EYS: variants seen among roughly 807,000 people sequenced by gnomAD.
EYS encodes the protein EGF-like photoreceptor maintenance factor, also known as protein eyes shut homolog.
A neutral mutation model predicts 282.1 loss-of-function variants in EYS; 250 were observed. The ratio of observed to expected loss-of-function variants is 0.89; its 90% confidence interval spans 0.80 to 0.98. The LOEUF is 0.98. Ranked by LOEUF, EYS falls within the 50% of genes least tolerant of loss-of-function variation. The pLI is 0.00. For synonymous variants in EYS, 1,355 were observed against 1,282.9 expected (o/e 1.06, Z -1.20); for missense variants, 4,016 against 3,709.0 (o/e 1.08, Z -2.15).
chr6:65,424,282 T>C (rs1322959918), intron 5 of EYS, among the ~76,000 whole-genome samples: 1 of 152,014 alleles, frequency 6.6e-6, no homozygotes, highest in African/African-American at 2.4e-5. Context: ...TTCTTTCTTT[T>C]CCTCATATAA....
intron 41 of EYS, among the ~76,000 whole-genome samples, chr6:63,734,398 C>T (rs1034267440): frequency 3.3e-5 from 5 of 152,134 alleles, no homozygotes; most frequent in Non-Finnish European, 5.9e-5. Context: ...CATTGGAAAG[C>T]TTTGAGCAGA....
chr6:65,511,217 A>G (rs1766856216), intron 2 of EYS, among the ~76,000 whole-genome samples: 1 of 152,168 alleles, frequency 6.6e-6, no homozygotes, highest in Non-Finnish European at 1.5e-5. Context: ...TGCTTTTCCC[A>G]CTAATGGTAT....
At chr6:64,866,889 A>T (rs1766441515) in intron 19 of EYS, among the ~76,000 whole-genome samples, 1 of 151,826 alleles carries the variant, frequency 6.6e-6, no homozygotes, top group Non-Finnish European at 1.5e-5. Context: ...TTTACAATAA[A>T]AAATGAAAAC....
At chr6:65,258,054 ACT>A (rs1399956603) in intron 12 of EYS, among the ~76,000 whole-genome samples, 1 of 152,068 alleles carries the variant, frequency 6.6e-6, no homozygotes, top group Non-Finnish European at 1.5e-5. Flanking sequence ...TACTCCCTTT[ACT>A]CTGTTGTGAC....
chr6:65,627,737 G>C (rs530288556), intron 2 of EYS, among the ~76,000 whole-genome samples: 1 of 152,198 alleles, frequency 6.6e-6, no homozygotes, highest in Non-Finnish European at 1.5e-5. Context: ...CCAGCCCACC[G>C]ATGCTGCGCT....
intron 19 of EYS, among the ~76,000 whole-genome samples, chr6:64,885,242 C>T (rs1767051552): frequency 6.6e-6 from 1 of 151,574 alleles, no homozygotes; most frequent in African/African-American, 2.4e-5. Context: ...TATATTAAAA[C>T]ATCTTAAATC....
chr6:65,546,132 C>A (rs1166041355), intron 2 of EYS, among the ~76,000 whole-genome samples: 1 of 150,004 alleles, frequency 6.7e-6, no homozygotes, highest in African/African-American at 2.4e-5. Context: ...CGATCCTCCA[C>A]TTCAGTCTCT....
intron 12 of EYS, among the ~76,000 whole-genome samples, chr6:65,275,493 C>T (rs889430155): frequency 1.3e-5 from 2 of 152,192 alleles, no homozygotes; most frequent in African/African-American, 4.8e-5. Context: ...CCATGGTTGC[C>T]ACTTCTGCCA....
At chr6:64,801,099 C>T (rs1774534711) in intron 22 of EYS, among the ~76,000 whole-genome samples, 1 of 151,806 alleles carries the variant, frequency 6.6e-6, no homozygotes, top group Admixed American at 6.6e-5. Flanking sequence ...GAAATACATC[C>T]TTACTTTCAA....
chr6:65,507,384 A>AT (rs1402426701), intron 2 of EYS, among the ~76,000 whole-genome samples: 1 of 152,052 alleles, frequency 6.6e-6, no homozygotes, highest in African/African-American at 2.4e-5. Flanking sequence ...TGCATATGAC[A>AT]TGCCTAGAGA....
chr6:63,937,345 CTTTTTTTTTTTTTTTTTTTTTTTTTTT>C (rs778809745), intron 35 of EYS, among the ~76,000 whole-genome samples: 788 of 54,430 alleles, frequency 0.014, 11 homozygotes, highest in African/African-American at 0.047. Flanking sequence ...TCTCTCTTTT[CTTTTTTTTTTTTTTTTTTTTTTTTTTT>C]TTTTTTTTTT....
At chr6:65,562,789 CT>C (rs1385572933) in intron 2 of EYS, among the ~76,000 whole-genome samples, 1 of 151,964 alleles carries the variant, frequency 6.6e-6, no homozygotes, top group Non-Finnish European at 1.5e-5. Context: ...CCTTTGGTAA[CT>C]GTTAAAAATG....
intron 22 of EYS, among the ~76,000 whole-genome samples, chr6:64,694,673 T>C (rs1313892963): frequency 6.6e-6 from 1 of 152,210 alleles, no homozygotes. Flanking sequence ...TGATGTAGTC[T>C]CAAGCTGGGG....
intron 34 of EYS, among the ~76,000 whole-genome samples, chr6:63,989,356 C>A (rs1292734615): frequency 6.6e-6 from 1 of 151,562 alleles, no homozygotes; most frequent in Admixed American, 6.6e-5. Context: ...ATTGAAGTAA[C>A]TTTTCACATG....
intron 19 of EYS, among the ~76,000 whole-genome samples, chr6:64,869,058 C>T (rs1766512230): frequency 6.6e-6 from 1 of 151,390 alleles, no homozygotes; most frequent in African/African-American, 2.4e-5. Context: ...TTTCTTAGAT[C>T]TCAGTTGTGA....
At chr6:64,864,526 C>G (rs1356912641) in intron 19 of EYS, among the ~76,000 whole-genome samples, 3 of 150,252 alleles carry the variant, frequency 2.0e-5, no homozygotes, top group Admixed American at 2.0e-4. Context: ...GCTGGGATTA[C>G]AGGCACACGC....
chr6:65,065,788 G>A (rs1045717216), intron 12 of EYS, among the ~76,000 whole-genome samples: 1 of 152,102 alleles, frequency 6.6e-6, no homozygotes, highest in African/African-American at 2.4e-5. Flanking sequence ...CTGGCAGTTG[G>A]CCTTGTAAAT....
intron 41 of EYS, chr6:63,744,821 G>T: frequency 4.6e-6 from 1 of 218,726 alleles, no homozygotes; most frequent in Non-Finnish European, 9.3e-6. Context: ...GCCCGCCTTG[G>T]CCTCCCAAAG....
rs377275762 is a variant in EYS, at chr6:65,187,403, C to G, written c.2023+108460G>C. ...ATAGCACGCATTTTTTCAACATATT[C>G]TAGCCTCAACTGATTTTAGAAAGTC... On this transcript the variant is annotated intron_variant, in intron 12 of 42. Transcript: ENST00000503581. Among the ~76,000 whole-genome samples, 23 of 151,722 alleles carry G rather than the reference C, an allele frequency of 1.5e-4. No individual in the cohort carries two copies. The East Asian group carries it at 4.3e-3, about 28-fold the overall frequency.
Sources: allele counts gnomAD v4.1 joint callset (sites outside exome capture counted in the v4.1 genomes callset), GRCh38; gene constraint gnomAD v4.1.1; transcripts MANE v1.5; gene names NCBI Gene and HGNC (gene_info 2026-07-23, HGNC 2026-07-21).